Variants in POU6F2 observed in about 807,000 individuals in gnomAD.
POU6F2 encodes the protein POU class 6 homeobox 2.
Under a neutral mutation model 71.3 loss-of-function variants are expected in POU6F2, and 31 were observed. That is an observed-to-expected ratio of 0.43 (90% CI 0.33 to 0.59). The LOEUF (loss-of-function observed/expected upper bound fraction) is 0.59, where lower values mean the gene tolerates loss of function less well. Ranked by LOEUF, POU6F2 falls within the 20% of genes least tolerant of loss-of-function variation. The pLI, the probability that POU6F2 is intolerant of heterozygous loss-of-function variation, is 0.04. For missense variants in POU6F2, 783 were observed against 856.8 expected (o/e 0.91, Z 1.07); for synonymous variants, 347 against 355.7 (o/e 0.98, Z 0.27).
chr7:39,206,148 T>G, intron 3 of POU6F2, among the ~76,000 whole-genome samples: 1 of 152,076 alleles, frequency 6.6e-6, no homozygotes, highest in East Asian at 1.9e-4. Flanking sequence ...CACATAAGAG[T>G]TTTGCATTGG....
At chr7:38,980,917 C>T (rs1032247015) in intron 1 of POU6F2, among the ~76,000 whole-genome samples, 1 of 152,136 alleles carries the variant, frequency 6.6e-6, no homozygotes. Flanking sequence ...CAGGACACAG[C>T]GCTGGCTTCA....
At chr7:39,200,598 A>C (rs945293696) in intron 2 of POU6F2, among the ~76,000 whole-genome samples, 1 of 152,174 alleles carries the variant, frequency 6.6e-6, no homozygotes, top group African/African-American at 2.4e-5. Context: ...GGCCACCTTT[A>C]GTCAGTGTGC....
intron 2 of POU6F2, among the ~76,000 whole-genome samples, chr7:39,116,053 T>C (rs1791921532): frequency 6.6e-6 from 1 of 152,152 alleles, no homozygotes; most frequent in South Asian, 2.1e-4. Flanking sequence ...CTGGACATTA[T>C]CTTTTTATTC....
chr7:39,187,046 A>G lies in POU6F2; in HGVS notation c.278-17189A>G, dbSNP rs1187608643. On this transcript the variant is annotated intron_variant, in intron 2 of 9. Transcript: ENST00000518318. The stretch of plus-strand genomic sequence containing the variant: ...ATATAAGGTAACAATAAGAAAGCTT[A>G]CATTTATTGTGTGTTTACTATGTGC... Among the ~76,000 whole-genome samples the G allele has an allele frequency of 2.0e-5, 3 of 152,248 alleles. No individual in the cohort carries two copies. In the East Asian group the frequency reaches 5.8e-4, roughly 29 times the overall value.
At chr7:39,131,537 G>A (rs1792281623) in intron 2 of POU6F2, among the ~76,000 whole-genome samples, 1 of 152,146 alleles carries the variant, frequency 6.6e-6, no homozygotes, top group Non-Finnish European at 1.5e-5. Context: ...TTTAAGAAGA[G>A]CCCTTGATTC....
chr7:39,385,838 G>T (rs1786925828), intron 5 of POU6F2, among the ~76,000 whole-genome samples: 1 of 152,070 alleles, frequency 6.6e-6, no homozygotes, highest in Non-Finnish European at 1.5e-5. Context: ...TTCTAGGGTG[G>T]CCTACATCCA....
intron 5 of POU6F2, among the ~76,000 whole-genome samples, chr7:39,382,819 C>A (rs774948348): frequency 6.6e-6 from 1 of 151,956 alleles, no homozygotes; most frequent in Non-Finnish European, 1.5e-5. Context: ...GGTGGAGATC[C>A]TCAAACACCC....
At chr7:39,098,466 A>AG (rs61310439) in intron 2 of POU6F2, among the ~76,000 whole-genome samples, 10,840 of 149,926 alleles carry the variant, frequency 0.072, 485 homozygotes, top group East Asian at 0.22. Flanking sequence ...TTTGCAAGAG[A>AG]GGGGGGGTCT....
chr7:39,250,625 G>A (rs184212260), intron 4 of POU6F2, among the ~76,000 whole-genome samples: 3 of 152,140 alleles, frequency 2.0e-5, no homozygotes, highest in African/African-American at 4.8e-5. Flanking sequence ...CAGTGGAAAC[G>A]AGAGAGGAGA....
intron 5 of POU6F2, among the ~76,000 whole-genome samples, chr7:39,398,118 T>C (rs917400): frequency 0.18 from 26,786 of 151,978 alleles, 3,063 homozygotes; most frequent in African/African-American, 0.33. Context: ...AAGCTCCCAC[T>C]ATGTTCTCAG....
At chr7:39,118,657 T>G (rs1791980530) in intron 2 of POU6F2, among the ~76,000 whole-genome samples, 3 of 151,580 alleles carry the variant, frequency 2.0e-5, no homozygotes, top group African/African-American at 2.4e-5. Context: ...AACCAGAAAA[T>G]TCATTCTCTG....
chr7:39,265,640 G>A (rs752108365), intron 4 of POU6F2, among the ~76,000 whole-genome samples: 57 of 152,138 alleles, frequency 3.7e-4, no homozygotes, highest in Non-Finnish European at 6.0e-4. Flanking sequence ...ACCTGGTACC[G>A]CCAGAGCTGG....
chr7:39,428,224 AT>A (rs1312770396), intron 6 of POU6F2, among the ~76,000 whole-genome samples: 1 of 152,090 alleles, frequency 6.6e-6, no homozygotes, highest in African/African-American at 2.4e-5. Context: ...TATTTGAATG[AT>A]TTTTTTTAGT....
At chr7:39,036,933 G>A (rs1790078775) in intron 1 of POU6F2, among the ~76,000 whole-genome samples, 1 of 151,626 alleles carries the variant, frequency 6.6e-6, no homozygotes, top group Non-Finnish European at 1.5e-5. Flanking sequence ...AAGGGTACAT[G>A]TGCAGGTTTG....
intron 5 of POU6F2, among the ~76,000 whole-genome samples, chr7:39,355,714 T>C (rs186798288): frequency 1.3e-5 from 2 of 152,270 alleles, no homozygotes; most frequent in African/African-American, 4.8e-5. Context: ...CCAGGGAACT[T>C]CAAGTTTCAA....
At chr7:39,089,247 A>C (rs534554594) in intron 2 of POU6F2, among the ~76,000 whole-genome samples, 89 of 152,346 alleles carry the variant, frequency 5.8e-4, no homozygotes, top group Non-Finnish European at 1.1e-3. Context: ...CTGTGATATC[A>C]TTAAGTGATG....
intron 5 of POU6F2, among the ~76,000 whole-genome samples, chr7:39,345,829 C>T (rs1306344627): frequency 6.6e-6 from 1 of 152,100 alleles, no homozygotes; most frequent in Non-Finnish European, 1.5e-5. Flanking sequence ...ATATAACATA[C>T]TGATGAGAAT....
chr7:39,197,427 C>T (rs1036074117), intron 2 of POU6F2, among the ~76,000 whole-genome samples: 8 of 152,258 alleles, frequency 5.3e-5, no homozygotes, highest in Admixed American at 2.6e-4. Context: ...CCAGGACCTG[C>T]GTTTGTAATT....
chr7:39,316,907 A>G (rs537582836), intron 4 of POU6F2, among the ~76,000 whole-genome samples: 29 of 152,282 alleles, frequency 1.9e-4, no homozygotes, highest in African/African-American at 6.7e-4. Context: ...TTGAATATCC[A>G]TTCTCTTTCA....
Sources: allele counts gnomAD v4.1 joint callset (sites outside exome capture counted in the v4.1 genomes callset), GRCh38; gene constraint gnomAD v4.1.1; transcripts MANE v1.5; gene names NCBI Gene and HGNC (gene_info 2026-07-23, HGNC 2026-07-21).